CNTLN: variants seen among roughly 807,000 people sequenced by gnomAD.
The protein encoded by CNTLN is centlein, centrosomal protein.
In CNTLN, 212 loss-of-function variants were observed where a neutral mutation model predicts 180.0. The observed-to-expected ratio is 1.18, with a 90% CI of 1.05 to 1.32. CNTLN has a LOEUF of 1.32. CNTLN is among the 40% of genes most tolerant of loss of function. The pLI, the probability that CNTLN is intolerant of heterozygous loss-of-function variation, is 0.00. For missense variants in CNTLN, 2,095 were observed against 1,610.9 expected, an observed-to-expected ratio of 1.30 and a Z score of -5.14; for synonymous variants, 722 against 563.1, an observed-to-expected ratio of 1.28 and a Z score of -3.99.
At chr9:17,314,527 C>G (rs949299729) in intron 8 of CNTLN, among the ~76,000 whole-genome samples, 1 of 152,174 alleles carries the variant, frequency 6.6e-6, no homozygotes, top group Non-Finnish European at 1.5e-5. Context: ...AGTGCATGAA[C>G]AGTTCATTTA....
rs558059269 is a variant in CNTLN at position 17,249,345 on chromosome 9, G to GT, written c.849+12765dup. Among the ~76,000 whole-genome samples, 173 of 124,912 alleles carry GT rather than the reference G, an allele frequency of 1.4e-3. 9 individuals are homozygous for GT. Among genetic ancestry groups the GT allele is most frequent in the African/African-American group, 1.7e-3 (51 of 29,430 alleles). The allele number at this position is 124,912 out of a possible 152,430, so 81.9% of individuals were successfully genotyped here. ...TCTTTGATCCATTGGTTCTTTGATT[G>GT]TTTTTTTTGTTTTTTTTTTTTGAGC... On this transcript the variant is annotated intron_variant, in intron 5 of 25. Transcript: ENST00000380647.
chr9:17,370,314 A>G (rs1042019512), intron 13 of CNTLN, among the ~76,000 whole-genome samples: 1 of 152,316 alleles, frequency 6.6e-6, no homozygotes, highest in East Asian at 1.9e-4. Flanking sequence ...GCAAGAGAAA[A>G]GAAACAAATA....
intron 2 of CNTLN, among the ~76,000 whole-genome samples, chr9:17,216,262 G>A (rs528815187): frequency 2.6e-5 from 4 of 152,270 alleles, no homozygotes; most frequent in Admixed American, 2.0e-4. Flanking sequence ...AACTGGATTT[G>A]TAATCCTGGC....
At chr9:17,282,893 G>T (rs555462565) in intron 6 of CNTLN, among the ~76,000 whole-genome samples, 1 of 152,068 alleles carries the variant, frequency 6.6e-6, no homozygotes. Context: ...AGATCAGATG[G>T]TTGTAGATGT....
chr9:17,382,346 A>G (rs1386196582), intron 13 of CNTLN, among the ~76,000 whole-genome samples: 1 of 152,220 alleles, frequency 6.6e-6, no homozygotes, highest in Non-Finnish European at 1.5e-5. Flanking sequence ...TGTGTTGGAT[A>G]CATACCAAAA....
intron 6 of CNTLN, among the ~76,000 whole-genome samples, chr9:17,281,631 G>T (rs1426693445): frequency 6.6e-6 from 1 of 152,030 alleles, no homozygotes; most frequent in African/African-American, 2.4e-5. Context: ...CCTTTTTATG[G>T]CTGCATCATA....
chr9:17,186,789 T>C (rs1821459726), intron 2 of CNTLN, among the ~76,000 whole-genome samples: 1 of 152,182 alleles, frequency 6.6e-6, no homozygotes, highest in Admixed American at 6.5e-5. Flanking sequence ...TGGATAGTTC[T>C]GATAAGTAGT....
At chr9:17,516,742 G>C in the CNTLN span, among the ~76,000 whole-genome samples, 2 of 152,284 alleles carry the variant, frequency 1.3e-5, no homozygotes, top group South Asian at 4.1e-4. Context: ...GAAGGTCAGA[G>C]AGTGGCCTTT....
intron 5 of CNTLN, among the ~76,000 whole-genome samples, chr9:17,268,810 C>G (rs537134521): frequency 2.0e-5 from 3 of 151,630 alleles, no homozygotes; most frequent in East Asian, 1.9e-4. Flanking sequence ...TAGCAATCAG[C>G]GAGACTCTGT....
intron 2 of CNTLN, among the ~76,000 whole-genome samples, chr9:17,180,287 A>G (rs1176237998): frequency 1.6e-5 from 2 of 125,460 alleles, no homozygotes; most frequent in Non-Finnish European, 3.4e-5. Flanking sequence ...TTTCATTTTG[A>G]TTTATCTGTA....
chr9:17,397,571 C>CTTCTTTACTTGCT (rs1826635352), intron 15 of CNTLN, among the ~76,000 whole-genome samples: 1 of 152,170 alleles, frequency 6.6e-6, no homozygotes, highest in Non-Finnish European at 1.5e-5. Context: ...TTACTGCAGG[C>CTTCTTTACTTGCT]TGTTTCATCA....
intron 2 of CNTLN, among the ~76,000 whole-genome samples, chr9:17,179,984 C>A (rs60401056): frequency 6.6e-6 from 1 of 151,952 alleles, no homozygotes; most frequent in Non-Finnish European, 1.5e-5. Context: ...TTAATATAAC[C>A]ACTCTTCTTT....
intron 2 of CNTLN, among the ~76,000 whole-genome samples, chr9:17,173,532 G>A (rs1326104595): frequency 6.6e-6 from 1 of 152,120 alleles, no homozygotes; most frequent in Non-Finnish European, 1.5e-5. Flanking sequence ...GAGCTCATAA[G>A]GGTTAATCCG....
At chr9:17,189,962 T>C (rs925197525) in intron 2 of CNTLN, among the ~76,000 whole-genome samples, 1 of 151,894 alleles carries the variant, frequency 6.6e-6, no homozygotes, top group Non-Finnish European at 1.5e-5. Context: ...AGCTTTTCTC[T>C]CAGGCGTGGA....
At chr9:17,180,780 T>A (rs1179841118) in intron 2 of CNTLN, among the ~76,000 whole-genome samples, 1 of 152,184 alleles carries the variant, frequency 6.6e-6, no homozygotes, top group Admixed American at 6.5e-5. Flanking sequence ...ATGTCTTGAT[T>A]TCCTTTAATT....
intron 13 of CNTLN, among the ~76,000 whole-genome samples, chr9:17,368,915 G>T (rs1824072426): frequency 6.6e-6 from 1 of 152,146 alleles, no homozygotes; most frequent in Non-Finnish European, 1.5e-5. Context: ...TTCTCAAGAA[G>T]ATTGGGTACA....
the CNTLN span, among the ~76,000 whole-genome samples, chr9:17,516,883 C>T: frequency 1.3e-5 from 2 of 152,132 alleles, no homozygotes; most frequent in Non-Finnish European, 2.9e-5. Context: ...ATCCTAGTGC[C>T]TATAACAGTG....
At chr9:17,449,178 T>C (rs540139171) in intron 18 of CNTLN, among the ~76,000 whole-genome samples, 1 of 152,200 alleles carries the variant, frequency 6.6e-6, no homozygotes, top group African/African-American at 2.4e-5. Context: ...TGGTTCCCAT[T>C]ATCTGTCCCA....
At chr9:17,192,529 G>A (rs937296001) in intron 2 of CNTLN, among the ~76,000 whole-genome samples, 7 of 146,854 alleles carry the variant, frequency 4.8e-5, no homozygotes, top group African/African-American at 1.0e-4. Context: ...GAGCCACCAC[G>A]TCCCGCTGAG....
Sources: gnomAD v4.1 joint callset for allele counts (sites outside exome capture counted in the v4.1 genomes callset) on GRCh38, gnomAD v4.1.1 for gene constraint, MANE v1.5 for transcripts, NCBI Gene and HGNC (gene_info 2026-07-23, HGNC 2026-07-21) for gene names.